Variants in NAALADL2 observed in about 807,000 individuals in gnomAD.
NAALADL2 encodes the protein N-acetylated alpha-linked acidic dipeptidase like 2.
A neutral mutation model predicts 87.2 loss-of-function variants in NAALADL2; 76 were observed. The observed-to-expected ratio is 0.87, with a 90% CI of 0.72 to 1.05. The LOEUF (loss-of-function observed/expected upper bound fraction) is 1.05. Ranked by LOEUF, NAALADL2 falls within the 50% of genes least tolerant of loss-of-function variation. The pLI, the probability that NAALADL2 is intolerant of heterozygous loss-of-function variation, is 0.00. For missense variants in NAALADL2, 1,089 were observed against 945.8 expected (o/e 1.15, Z -1.99); for synonymous variants, 354 against 331.0 (o/e 1.07, Z -0.75).
chr3:175,340,373 A>G (rs529032211), intron 5 of NAALADL2, among the ~76,000 whole-genome samples: 1 of 152,266 alleles, frequency 6.6e-6, no homozygotes, highest in Admixed American at 6.5e-5. Context: ...AGGATGGAAA[A>G]CAAGGACAGA....
intron 13 of NAALADL2, among the ~76,000 whole-genome samples, chr3:175,758,483 T>A (rs2150141464): frequency 6.6e-6 from 1 of 152,098 alleles, no homozygotes. Flanking sequence ...GGACTCACCT[T>A]TATCTCAAAA....
At chr3:174,745,888 G>A (rs958666993) in intron 3 of NAALADL2, among the ~76,000 whole-genome samples, 2 of 152,040 alleles carry the variant, frequency 1.3e-5, no homozygotes, top group African/African-American at 4.8e-5. Flanking sequence ...CTCCCTTCAT[G>A]TTAAAAACTC....
At chr3:175,684,673 T>G (rs1472977423) in intron 11 of NAALADL2, among the ~76,000 whole-genome samples, 1 of 151,978 alleles carries the variant, frequency 6.6e-6, no homozygotes. Context: ...TCTGGTGATA[T>G]GTGCCTGTAG....
intron 2 of NAALADL2, among the ~76,000 whole-genome samples, chr3:174,589,912 A>C (rs1717172747): frequency 6.6e-6 from 1 of 151,668 alleles, no homozygotes; most frequent in Admixed American, 6.6e-5. Flanking sequence ...TAAATAAAAC[A>C]TCCTGTTATT....
intron 2 of NAALADL2, among the ~76,000 whole-genome samples, chr3:174,665,761 C>CA (rs1273336750): frequency 6.6e-6 from 1 of 152,170 alleles, no homozygotes; most frequent in Non-Finnish European, 1.5e-5. Flanking sequence ...CTGGAGGCTA[C>CA]ATATCTAAAA....
intron 11 of NAALADL2, among the ~76,000 whole-genome samples, chr3:175,689,697 G>A (rs1054944002): frequency 2.6e-5 from 4 of 152,096 alleles, no homozygotes; most frequent in African/African-American, 7.2e-5. Flanking sequence ...TCTTGGTAAG[G>A]AGAGTTGCAC....
At chr3:174,708,262 A>G (rs1044162096) in intron 2 of NAALADL2, among the ~76,000 whole-genome samples, 4 of 152,184 alleles carry the variant, frequency 2.6e-5, no homozygotes, top group African/African-American at 9.6e-5. Context: ...CATTTAGCTC[A>G]TTTTAGCAAA....
At chr3:174,857,411 A>G (rs1725978018), upstream of NAALADL2, among the ~76,000 whole-genome samples, 2 of 152,198 alleles carry the variant, frequency 1.3e-5, no homozygotes, top group Admixed American at 1.3e-4. Context: ...TCGTTTAAGA[A>G]TAGGACTTCT....
chr3:174,863,305 T>C (rs1378729438), intron 1 of NAALADL2, among the ~76,000 whole-genome samples: 2 of 152,110 alleles, frequency 1.3e-5, no homozygotes, highest in African/African-American at 4.8e-5. Flanking sequence ...GCAGTCTTAG[T>C]AATGTTTTCC....
rs146854527 is a variant in NAALADL2 at position 175,115,991 on chromosome 3, T to C, written c.545+18700T>C. On this transcript the variant is annotated intron_variant, in intron 2 of 13. Transcript: ENST00000454872. ...CTGAACCAAAGACAAAAACCACATG[T>C]TTATCTCACTAGATGCAGAAAAGGC... Among the ~76,000 whole-genome samples, 518 of 151,782 alleles carry C rather than the reference T, an allele frequency of 3.4e-3. 21 individuals are homozygous for C. The East Asian group carries it at 0.082, about 24-fold the overall frequency.
intron 11 of NAALADL2, among the ~76,000 whole-genome samples, chr3:175,721,684 A>G (rs1241767394): frequency 6.6e-6 from 1 of 152,128 alleles, no homozygotes; most frequent in Non-Finnish European, 1.5e-5. Flanking sequence ...CAATACATCT[A>G]CTATCACAAT....
At chr3:174,785,621 G>C (rs903011545) in intron 3 of NAALADL2, among the ~76,000 whole-genome samples, 1 of 151,860 alleles carries the variant, frequency 6.6e-6, no homozygotes, top group Admixed American at 6.6e-5. Context: ...GCTCTTTTTT[G>C]TCACTGTTTT....
intron 2 of NAALADL2, among the ~76,000 whole-genome samples, chr3:174,657,282 G>A (rs1040647679): frequency 4.6e-5 from 7 of 151,752 alleles, no homozygotes; most frequent in Admixed American, 3.3e-4. Context: ...TGAGTAGGTA[G>A]GATTACAGGA....
chr3:175,749,796 G>A (rs925991519), intron 12 of NAALADL2, among the ~76,000 whole-genome samples: 2 of 152,224 alleles, frequency 1.3e-5, no homozygotes, highest in Admixed American at 1.3e-4. Flanking sequence ...GTTACAGCAT[G>A]TATAAATTCA....
chr3:175,094,028 A>T (rs1720661064), intron 1 of NAALADL2, among the ~76,000 whole-genome samples: 1 of 151,908 alleles, frequency 6.6e-6, no homozygotes, highest in Non-Finnish European at 1.5e-5. Context: ...GAATGTTTGT[A>T]TTAGAGGTCA....
At chr3:175,032,802 A>AT (rs1414015714) in intron 1 of NAALADL2, among the ~76,000 whole-genome samples, 2 of 152,062 alleles carry the variant, frequency 1.3e-5, no homozygotes, top group African/African-American at 4.8e-5. Flanking sequence ...ATGTAGTTTA[A>AT]TTGTGTCATC....
At chr3:175,787,557 G>T (rs904507429) in intron 13 of NAALADL2, among the ~76,000 whole-genome samples, 2 of 152,102 alleles carry the variant, frequency 1.3e-5, no homozygotes, top group Non-Finnish European at 2.9e-5. Flanking sequence ...GCAATGCCTC[G>T]CCCTGCTTCG....
chr3:175,209,664 G>T (rs1741468968), intron 2 of NAALADL2, among the ~76,000 whole-genome samples: 1 of 151,684 alleles, frequency 6.6e-6, no homozygotes, highest in African/African-American at 2.4e-5. Flanking sequence ...CATGCTGCCA[G>T]CTTACGGTGA....
chr3:175,744,233 A>G (rs772913835), intron 12 of NAALADL2, among the ~76,000 whole-genome samples: 9 of 152,244 alleles, frequency 5.9e-5, no homozygotes, highest in Non-Finnish European at 1.3e-4. Context: ...CAATGATTCA[A>G]TGGAGATTTT....
Sources: gnomAD v4.1 joint callset for allele counts (sites outside exome capture counted in the v4.1 genomes callset) on GRCh38, gnomAD v4.1.1 for gene constraint, MANE v1.5 for transcripts, NCBI Gene and HGNC (gene_info 2026-07-23, HGNC 2026-07-21) for gene names.